The following EDEM1 variants were observed in gnomAD, a reference collection of about 807,000 sequenced individuals.
The protein encoded by EDEM1 is ER degradation-enhancing alpha-mannosidase-like protein 1.
A neutral mutation model predicts 74.4 loss-of-function variants in EDEM1; 67 were observed. That is an observed-to-expected ratio of 0.90 (90% confidence interval 0.74 to 1.10). The LOEUF (loss-of-function observed/expected upper bound fraction) is 1.10. Among genes scored for constraint, EDEM1 ranks in the 50% least tolerant of loss-of-function variants. The probability of loss-of-function intolerance (pLI) is 0.00; values close to 1 mark genes in which losing one functional copy is unlikely to be tolerated. For missense variants in EDEM1, 926 were observed against 851.6 expected (o/e 1.09, Z -1.09); for synonymous variants, 382 against 335.9 (o/e 1.14, Z -1.50).
intron 1 of EDEM1, among the ~76,000 whole-genome samples, chr3:5,190,786 A>G (rs1431288820): frequency 6.6e-6 from 1 of 152,184 alleles, no homozygotes; most frequent in Non-Finnish European, 1.5e-5. Context: ...TGGACGCCTC[A>G]CACTTGCCAC....
At position 5,188,043 on chromosome 3, in the gene EDEM1, G is replaced by C. The variant is rs758659133; in HGVS notation, c.238G>C (p.Ala80Pro). Residue 80 changes from alanine (A) to proline (P), a missense_variant, in exon 1 of 12, where the codon GCG becomes CCG. Physicochemically the swap from Ala to Pro is conservative, Grantham distance 27 (BLOSUM62 -1). Coordinates refer to ENST00000256497, the MANE Select transcript of EDEM1 (RefSeq NM_014674.3). ...GCTGCAGCCGCCGGGGACCGGGGCA[G>C]CGCAGAGCCCGCGCAAGGCTCCGCG... Reference protein sequence around the residue: ...SWLQPPGTGAAQSPRKAPRRP... With the variant: ...SWLQPPGTGAPQSPRKAPRRP... The C allele has an allele frequency of 2.1e-6, 3 of 1,438,022 alleles. No homozygotes were observed. The highest frequency in any genetic ancestry group is 2.7e-6 in the Non-Finnish European group (3 of 1,099,020). 89.1% of individuals were successfully genotyped at this position (1,438,022 alleles called of 1,614,324 possible). A position where few individuals can be genotyped will look rare whatever the true frequency, so the allele number is the denominator to read the frequency against.
rs34784782 is a variant in EDEM1, at chr3:5,218,353, G to GTTTTTTT, written c.*2447_*2453dup. 7.5e-6 allele frequency: 1 copy of GTTTTTTT among 133,004 alleles called. No individual in the cohort carries two copies. The allele number at this position is 133,004 out of a possible 1,614,324, so 8.2% of individuals were successfully genotyped here. ...TTTGAGCCAGTTTCAAAGGTTACTT[G>GTTTTTTT]TTTTTTTTTTTTTTTTTTAAAGTCA... On this transcript the variant is annotated 3_prime_UTR_variant, in exon 12 of 12. Coordinates refer to ENST00000256497, the MANE Select transcript of EDEM1 (RefSeq NM_014674.3).
chr3:5,201,414 T>G (rs1177693587), intron 3 of EDEM1, among the ~76,000 whole-genome samples: 13 of 152,046 alleles, frequency 8.6e-5, no homozygotes, highest in Admixed American at 8.5e-4. Flanking sequence ...CTTGGCAAAG[T>G]GCTGGGACTA....
chr3:5,199,740 A>G (rs768176338), intron 3 of EDEM1, 45 bp downstream of exon 3: 9 of 1,539,832 alleles, frequency 5.8e-6, no homozygotes, highest in Non-Finnish European at 7.1e-6. Context: ...ACTTCTTTTT[A>G]TGTGTTTAAA....
chr3:5,193,444 A>G (rs1035525712), intron 1 of EDEM1, among the ~76,000 whole-genome samples: 3 of 152,162 alleles, frequency 2.0e-5, no homozygotes, highest in East Asian at 1.9e-4. Flanking sequence ...TTGCTATTGT[A>G]TAAGTTTATT....
chr3:5,189,514 G>A (rs1365738243), intron 1 of EDEM1: 1 of 152,146 alleles, frequency 6.6e-6, no homozygotes, highest in African/African-American at 2.4e-5. Context: ...CTTAACCATA[G>A]CGTTTATACG....
At chr3:5,195,358 G>A in intron 2 of EDEM1, 77 bp downstream of exon 2, 1 of 784,488 alleles carries the variant, frequency 1.3e-6, no homozygotes, top group South Asian at 2.5e-5. Flanking sequence ...TCCAGCAGTG[G>A]GAATTCCAGG....
At chr3:5,199,102 G>T (rs374751428) in intron 2 of EDEM1, among the ~76,000 whole-genome samples, 1 of 152,194 alleles carries the variant, frequency 6.6e-6, no homozygotes, top group Non-Finnish European at 1.5e-5. Flanking sequence ...AAAGTGTTTA[G>T]GCATCTGGAT....
chr3:5,196,905 T>C (rs1249786371), intron 2 of EDEM1, among the ~76,000 whole-genome samples: 3 of 151,788 alleles, frequency 2.0e-5, no homozygotes, highest in Non-Finnish European at 4.4e-5. Flanking sequence ...AGCTTTGTCA[T>C]CGTCGTCGTC....
intron 10 of EDEM1, among the ~76,000 whole-genome samples, chr3:5,211,893 G>C (rs1363010619): frequency 2.6e-5 from 4 of 152,116 alleles, no homozygotes; most frequent in African/African-American, 9.7e-5. Context: ...GCTCTGCCTC[G>C]TGCATACAGC....
At chr3:5,188,825 A>G (rs544762920) in intron 1 of EDEM1, among the ~76,000 whole-genome samples, 5 of 152,206 alleles carry the variant, frequency 3.3e-5, no homozygotes, top group Non-Finnish European at 7.3e-5. Context: ...AAAGCCGTCC[A>G]TTGAGTTTGA....
At chr3:5,214,026 A>T (rs2055200521) in intron 11 of EDEM1, among the ~76,000 whole-genome samples, 1 of 152,216 alleles carries the variant, frequency 6.6e-6, no homozygotes, top group Non-Finnish European at 1.5e-5. Context: ...AGAAGGGAAA[A>T]AAAGCAGTGA....
At chr3:5,211,436 C>G in intron 10 of EDEM1, 1 of 493,942 alleles carries the variant, frequency 2.0e-6, no homozygotes, top group Non-Finnish European at 3.7e-6. Flanking sequence ...AAGAACTGAA[C>G]TTATGATTAC....
intron 9 of EDEM1, 96 bp from the exon 10 acceptor site, chr3:5,211,023 TG>T: frequency 9.2e-7 from 1 of 1,092,804 alleles, no homozygotes; most frequent in Non-Finnish European, 1.4e-6. Context: ...GTTGGATGAC[TG>T]GTTGATTATT....
rs759584386 is a variant in EDEM1, at chr3:5,188,304, C to G, written c.499C>G (p.Arg167Gly). The G allele has an allele frequency of 1.6e-5, 25 of 1,515,952 alleles. No homozygotes were observed. The highest frequency in any genetic ancestry group is 2.1e-5 in the Admixed American group (1 of 48,746). 93.9% of individuals were successfully genotyped at this position (1,515,952 alleles called of 1,614,324 possible). The stretch of plus-strand genomic sequence containing the variant: ...CCACTGCCGCGGCCGTGGGCCCGAC[C>G]GCGGGGACCCGTGAGTAGCCCCCGC... ...PIHCRGRGPD[R>G]GDPSNLNIND... Residue 167 changes from arginine to glycine, a missense_variant, in exon 1 of 12, where the codon CGC becomes GGC. Transcript: ENST00000256497.
At chr3:5,191,458 C>T (rs1296469441) in intron 1 of EDEM1, among the ~76,000 whole-genome samples, 1 of 151,900 alleles carries the variant, frequency 6.6e-6, no homozygotes, top group East Asian at 1.9e-4. Flanking sequence ...GTCTCAAACC[C>T]CTGGCCTCAA....
At chr3:5,214,705 G>A (rs1461365440) in intron 11 of EDEM1, among the ~76,000 whole-genome samples, 1 of 152,188 alleles carries the variant, frequency 6.6e-6, no homozygotes, top group Non-Finnish European at 1.5e-5. Context: ...GCACAGAGAG[G>A]TTCAGGTCCC....
In EDEM1 at chr3:5,188,229, T is replaced by C; in HGVS notation, c.424T>C (p.Tyr142His). The C allele has an allele frequency of 1.3e-6, 2 of 1,584,856 alleles. No individual in the cohort carries two copies. Among genetic ancestry groups the C allele is most frequent in the Non-Finnish European group, 1.7e-6 (2 of 1,167,664 alleles). Reference sequence around the variant, plus strand: ...GGCACGGGGCATGTTCGTCTTTGGCTACGACAACTACATGGCTCACGCCTT... The same window carrying C: ...GGCACGGGGCATGTTCGTCTTTGGCCACGACAACTACATGGCTCACGCCTT... ...DLARGMFVFGYDNYMAHAFPQ... is the reference protein window; with the variant it reads ...DLARGMFVFGHDNYMAHAFPQ... Residue 142 changes from tyrosine (Y) to histidine (H), a missense_variant, in exon 1 of 12, where the codon TAC (tyrosine) becomes CAC (histidine). Coordinates refer to ENST00000256497, the MANE Select transcript of EDEM1 (RefSeq NM_014674.3).
At position 5,218,617 on chromosome 3, in the gene EDEM1, T is replaced by G. The variant is rs961782378; in HGVS notation, c.*2699T>G. ...TGTCTAGTGTCAGCTTTGCTCAGTG[T>G]GGTGGAAACATTTTGCAGAACTGTT... On this transcript the variant is annotated 3_prime_UTR_variant, in exon 12 of 12. Transcript: ENST00000256497. The G allele has an allele frequency of 6.6e-6, 1 of 152,152 alleles. No individual in the cohort carries two copies. The highest frequency in any genetic ancestry group is 2.4e-5 in the African/African-American group (1 of 41,432). 9.4% of individuals were successfully genotyped at this position (152,152 alleles called of 1,614,324 possible).
Sources: gnomAD v4.1 joint callset for allele counts (sites outside exome capture counted in the v4.1 genomes callset) on GRCh38, gnomAD v4.1.1 for gene constraint, MANE v1.5 for transcripts, NCBI Gene and HGNC (gene_info 2026-07-23, HGNC 2026-07-21) for gene names.